FURIN: variants seen among roughly 807,000 people sequenced by gnomAD.
FURIN encodes the protein FES upstream region.
A neutral mutation model predicts 89.2 loss-of-function variants in FURIN; 18 were observed. The observed-to-expected ratio is 0.20, with a 90% CI of 0.14 to 0.30. FURIN has a LOEUF of 0.30. FURIN is among the 10% of genes least tolerant of loss of function. FURIN has a pLI of 1.00. For missense variants in FURIN, 879 were observed against 1,100.5 expected (o/e 0.80, Z 2.85); for synonymous variants, 508 against 466.4 (o/e 1.09, Z -1.15).
intron 1 of FURIN, among the ~76,000 whole-genome samples, chr15:90,873,549 CAAGA>C (rs2031437540): frequency 6.6e-6 from 1 of 151,610 alleles, no homozygotes; most frequent in Admixed American, 6.6e-5. Context: ...GTTGTGGCAG[CAAGA>C]GAGAGGAGAG....
Position 90,878,404 on chromosome 15 carries a change from C to T in FURIN, c.840+100C>T. ...TTGTTTTATTTATTCTCATGTTTAA[C>T]TTTACACAAAGCATGTTTATTGAAA... On this transcript the variant is annotated intron_variant, in intron 8 of 15. Coordinates refer to ENST00000268171, the MANE Select transcript of FURIN (RefSeq NM_002569.4). The T allele has an allele frequency of 4.0e-6, 4 of 1,000,764 alleles. No individual in the cohort carries two copies. The South Asian group carries it at 5.1e-5, about 13-fold the overall frequency. The allele number at this position is 1,000,764 out of a possible 1,614,324, so 62.0% of individuals were successfully genotyped here. A position where few individuals can be genotyped will look rare whatever the true frequency, so the allele number is the denominator to read the frequency against.
chr15:90,876,295 C>T lies in FURIN; in HGVS notation c.218C>T (p.Thr73Met), dbSNP rs768626100. 81 of 1,612,394 alleles carry T rather than the reference C, an allele frequency of 5.0e-5. 1 individual carries two copies. Among genetic ancestry groups the T allele is most frequent in the Middle Eastern group, 3.3e-4 (2 of 6,078 alleles). Residue 73 changes from threonine (T) to methionine (M), a missense_variant, in exon 3 of 16, where the codon ACG becomes ATG. Around this residue, in one of 5 missense-constraint regions of FURIN, gnomAD observed 125 missense variants for 125.0 expected, o/e 1.00. Transcript: ENST00000268171. This position sits in a 1 kb window ranked among gnomAD's most constrained non-coding sequence, Gnocchi z 5.0. ...TACCACTTCTGGCATCGAGGAGTGA[C>T]GAAGCGGTCCCTGTCGCCTCACCGC... The part of the protein sequence containing the change: ...DYYHFWHRGV[T>M]KRSLSPHRPR...
At position 90,881,052 on chromosome 15, in the gene FURIN, G is replaced by T; in HGVS notation, c.1792+12G>T. On this transcript the variant is annotated intron_variant, in intron 15 of 15. Coordinates refer to ENST00000268171, the MANE Select transcript of FURIN (RefSeq NM_002569.4). The surrounding 1 kb of genome is among the most constrained non-coding windows in gnomAD (Gnocchi z 4.3). ...TCAGGCCTGTGTGGGTCAGTAGTGG[G>T]TGCTGTTGGGCTTTGGGGGCCTGAG... 3 of 1,582,934 alleles carry T rather than the reference G, an allele frequency of 1.9e-6. No homozygotes were observed. The highest frequency in any genetic ancestry group is 1.7e-5 in the Admixed American group (1 of 59,972).
intron 1 of FURIN, chr15:90,872,853 CAG>C (rs2031393212): frequency 6.6e-6 from 1 of 152,288 alleles, no homozygotes. Context: ...GTGGCTGTGT[CAG>C]AGCCAGACCC....
chr15:90,874,634 C>G (rs1009621993), intron 1 of FURIN, among the ~76,000 whole-genome samples: 6 of 152,220 alleles, frequency 3.9e-5, no homozygotes, highest in African/African-American at 1.4e-4. Flanking sequence ...ATGGCTGAAT[C>G]TGCTTTGCTG....
chr15:90,881,599 A>G lies in FURIN; in HGVS notation c.2106A>G (p.Gln702=). 6.2e-7 allele frequency: 1 copy of G among 1,606,202 alleles called. No individual in the cohort carries two copies. The highest frequency in any genetic ancestry group is 2.2e-5 in the East Asian group (1 of 44,666). ...PRLPPEVEAG[Q]RLRAGLLPSH... is the part of the protein sequence containing the mutation. ...TGCCCCCGGAGGTGGAGGCGGGGCAACGGCTGCGGGCAGGGCTGCTGCCCT... is the reference window on the plus strand; with the variant it reads ...TGCCCCCGGAGGTGGAGGCGGGGCAGCGGCTGCGGGCAGGGCTGCTGCCCT... Residue 702 remains glutamine, a synonymous_variant, in exon 16 of 16, where the codon CAA becomes CAG. Transcript: ENST00000268171. The surrounding 1 kb of genome is among the most constrained non-coding windows in gnomAD (Gnocchi z 4.3).
rs776097867 is a variant in FURIN at position 90,880,120 on chromosome 15, G to A, written c.1403G>A (p.Arg468Gln). ...GACATCGGGAAACGGCTCGAGGTGCGGAAGACCGTGACCGCGTGCCTGGGC... is the reference window on the plus strand; with the variant it reads ...GACATCGGGAAACGGCTCGAGGTGCAGAAGACCGTGACCGCGTGCCTGGGC... ...PKDIGKRLEV[R>Q]KTVTACLGEP... The change falls in exon 13 of 16, where the codon CGG (arginine) becomes CAG (glutamine). Residue 468 changes from arginine to glutamine, a missense_variant. By Grantham distance (43) the Arg-to-Gln change is conservative (BLOSUM62 1). Coordinates refer to ENST00000268171, the MANE Select transcript of FURIN (RefSeq NM_002569.4). 22 of 1,607,934 alleles carry A rather than the reference G, an allele frequency of 1.4e-5. No homozygotes were observed. Among genetic ancestry groups the A allele is most frequent in the East Asian group, 2.2e-5 (1 of 44,740 alleles).
chr15:90,870,987 G>T (rs1265922345), intron 1 of FURIN, among the ~76,000 whole-genome samples: 1 of 152,210 alleles, frequency 6.6e-6, no homozygotes, highest in Non-Finnish European at 1.5e-5. Flanking sequence ...ATTAAAAGGA[G>T]GTGGGCTACT....
At chr15:90,868,989 G>C (rs1046495034) in intron 1 of FURIN, among the ~76,000 whole-genome samples, 10 of 152,158 alleles carry the variant, frequency 6.6e-5, no homozygotes, top group Non-Finnish European at 1.2e-4. Context: ...TTTCAGAGAA[G>C]ACTCCCAGAG....
At chr15:90,871,565 G>T (rs1285129589) in intron 1 of FURIN, 8 of 148,156 alleles carry the variant, frequency 5.4e-5, no homozygotes, top group Non-Finnish European at 9.0e-5. Flanking sequence ...GAGCCGCCGC[G>T]GCGGTCGCCT....
At position 90,881,348 on chromosome 15, in the gene FURIN, G is replaced by GC. The variant is rs772193599; in HGVS notation, c.1861dup (p.Gln621ProfsTer8). ...TGTCCAGCACTGCCCTCCAGGGTTCGCCCCCCAAGTCCTCGATACGCACTA... is the reference window on the plus strand; with the variant it reads ...TGTCCAGCACTGCCCTCCAGGGTTCGCCCCCCCAAGTCCTCGATACGCACTA... On this transcript the variant is annotated frameshift_variant, in exon 16 of 16. Coordinates refer to ENST00000268171, the MANE Select transcript of FURIN (RefSeq NM_002569.4). LOFTEE classifies it high-confidence loss of function. The surrounding 1 kb of genome is among the most constrained non-coding windows in gnomAD (Gnocchi z 4.3). 1.9e-6 allele frequency: 3 copies of GC among 1,612,466 alleles called. No homozygotes were observed.
chr15:90,876,145 G>A lies in FURIN; in HGVS notation c.178-110G>A, dbSNP rs559510841. The A allele has an allele frequency of 8.4e-5, 71 of 840,546 alleles. No homozygotes were observed. In the East Asian group the frequency reaches 1.4e-3, roughly 17 times the overall value. 52.1% of individuals were successfully genotyped at this position (840,546 alleles called of 1,614,324 possible). Reference sequence around the variant, plus strand: ...GTCCCGGACAGGGAGCAGATGCCCCGCACCCCCGACCGTGGCGAGCCTCCC... The same window carrying A: ...GTCCCGGACAGGGAGCAGATGCCCCACACCCCCGACCGTGGCGAGCCTCCC... On this transcript the variant is annotated intron_variant, in intron 2 of 15. Transcript: ENST00000268171. The surrounding 1 kb of genome is among the most constrained non-coding windows in gnomAD (Gnocchi z 5.0).
At chr15:90,880,897 C>T in intron 14 of FURIN, 33 bp from the exon 15 acceptor site, 1 of 1,611,546 alleles carries the variant, frequency 6.2e-7, no homozygotes, top group Non-Finnish European at 8.5e-7. Flanking sequence ...CCAGCACTGT[C>T]TTAACTCTTG....
In FURIN at chr15:90,876,744, A is replaced by T. The variant is rs528521048; in HGVS notation, c.373-152A>T. 1.6e-5 allele frequency: 15 copies of T among 915,270 alleles called. No homozygotes were observed. The highest frequency in any genetic ancestry group is 1.3e-4 in the East Asian group (5 of 39,394). 56.7% of individuals were successfully genotyped at this position (915,270 alleles called of 1,614,324 possible). A position where few individuals can be genotyped will look rare whatever the true frequency, so the allele number is the denominator to read the frequency against. On this transcript the variant is annotated intron_variant, in intron 4 of 15. Transcript: ENST00000268171. This position sits in a 1 kb window ranked among gnomAD's most constrained non-coding sequence, Gnocchi z 5.0. ...GGGTGGCCCTCCCAGAGTCCTCTAC[A>T]TTCCCATGGAGTCCAGACAGCCAGT... is the stretch of plus-strand genomic sequence containing the variant.
Position 90,876,376 on chromosome 15 carries a change from C to A in FURIN, c.276+23C>A. 2 of 1,549,680 alleles carry A rather than the reference C, an allele frequency of 1.3e-6. No individual in the cohort carries two copies. The highest frequency in any genetic ancestry group is 1.8e-6 in the Non-Finnish European group (2 of 1,121,510). ...CAAGTGAGTGTGGCCCCAGCCCCCT[C>A]CTGCTGCCACCCTCCCCCTCCTGCT... On this transcript the variant is annotated intron_variant, in intron 3 of 15. Coordinates refer to ENST00000268171, the MANE Select transcript of FURIN (RefSeq NM_002569.4). The surrounding 1 kb of genome is among the most constrained non-coding windows in gnomAD (Gnocchi z 5.0).
rs147719564 is a variant in FURIN, at chr15:90,879,663, CT to C, written c.1155-5del. ...CTGATCCCCAGCCTCTCCCTTCCTT[CT>C]TTGCAGTAAGAACCTCACATGGCGG... is the stretch of plus-strand genomic sequence containing the variant. On this transcript the variant is annotated splice_region_variant and splice_polypyrimidine_tract_variant and intron_variant, in intron 10 of 15. Coordinates refer to ENST00000268171, the MANE Select transcript of FURIN (RefSeq NM_002569.4). The C allele has an allele frequency of 1.7e-3, 2,731 of 1,611,242 alleles. 38 individuals are homozygous for C. In the African/African-American group the frequency reaches 0.032, roughly 19 times the overall value.
intron 6 of FURIN, 96 bp downstream of exon 6, chr15:90,877,307 C>A: frequency 1.7e-6 from 2 of 1,152,416 alleles, no homozygotes; most frequent in Non-Finnish European, 2.4e-6. Context: ...GCCTAAAAGG[C>A]TGAGGCTTTT....
chr15:90,881,390 G>C lies in FURIN; in HGVS notation c.1897G>C (p.Val633Leu), dbSNP rs372544920. The change falls in exon 16 of 16, where the codon GTG becomes CTG. Residue 633 changes from valine (V) to leucine (L), a missense_variant. By Grantham distance (32) the Val-to-Leu change is conservative (BLOSUM62 1). Transcript: ENST00000268171. This position sits in a 1 kb window ranked among gnomAD's most constrained non-coding sequence, Gnocchi z 4.3. ...LDTHYSTEND[V>L]ETIRASVCAP... ...TACGCACTATAGCACCGAGAATGAC[G>C]TGGAGACCATCCGGGCCAGCGTCTG... 6.2e-7 allele frequency: 1 copy of C among 1,612,870 alleles called. No homozygotes were observed. The highest frequency in any genetic ancestry group is 1.7e-5 in the Admixed American group (1 of 60,016).
Position 90,879,752 on chromosome 15 carries a change from C to G in FURIN, c.1236C>G (p.Ala412=). The G allele has an allele frequency of 6.2e-7, 1 of 1,613,756 alleles. No homozygotes were observed. Among genetic ancestry groups the G allele is most frequent in the Non-Finnish European group, 8.5e-7 (1 of 1,179,960 alleles). The change falls in exon 11 of 16, where the codon GCC becomes GCG. Residue 412 remains alanine (A), a synonymous_variant. Transcript: ENST00000268171. ...KPAHLNANDW[A]TNGVGRKVSH... ...CCCACCTCAATGCCAACGACTGGGCCACCAATGGTGTGGGCCGGAAAGGTG... is the reference window on the plus strand; with the variant it reads ...CCCACCTCAATGCCAACGACTGGGCGACCAATGGTGTGGGCCGGAAAGGTG...
Sources: gnomAD v4.1 joint callset for allele counts (sites outside exome capture counted in the v4.1 genomes callset) on GRCh38, gnomAD v4.1.1 for gene constraint, gnomAD v4.1.1 regional missense constraint, Gnocchi (gnomAD v3.1) non-coding constraint, MANE v1.5 for transcripts, NCBI Gene and HGNC (gene_info 2026-07-23, HGNC 2026-07-21) for gene names.